CELF2: variants seen among roughly 807,000 people sequenced by gnomAD.
The protein encoded by CELF2 is CUGBP Elav-like family member 2, also known as CUG triplet repeat RNA-binding protein 2.
In CELF2, 8 loss-of-function variants were observed where a neutral mutation model predicts 62.6. That is an observed-to-expected ratio of 0.13 (90% CI 0.07 to 0.23). The LOEUF (loss-of-function observed/expected upper bound fraction) is 0.23, where lower values mean the gene tolerates loss of function less well. Among genes scored for constraint, CELF2 ranks in the 10% least tolerant of loss-of-function variants. The probability of loss-of-function intolerance (pLI) is 1.00; values close to 1 mark genes in which losing one functional copy is unlikely to be tolerated. For synonymous variants in CELF2, 258 were observed against 250.0 expected, an observed-to-expected ratio of 1.03 and a Z score of -0.30; for missense variants, 333 against 671.0, an observed-to-expected ratio of 0.50 and a Z score of 5.56.
Position 11,141,397 on chromosome 10 carries a change from G to C in CELF2, c.75-24089G>C, listed in dbSNP as rs537853944. ...CAGGAGCAGAGACTCGGAGGGGTAGGATGGGAAGAGTGAGGCTATAAAATA... is the reference window on the plus strand; with the variant it reads ...CAGGAGCAGAGACTCGGAGGGGTAGCATGGGAAGAGTGAGGCTATAAAATA... On this transcript the variant is annotated intron_variant, in intron 1 of 12. Coordinates refer to ENST00000633077, the MANE Select transcript of CELF2 (RefSeq NM_001326342.2). 2.6e-5 allele frequency among the ~76,000 whole-genome samples: 4 copies of C among 152,356 alleles called. No homozygotes were observed. In the East Asian group the frequency reaches 7.7e-4, roughly 29 times the overall value.
At chr10:10,618,026 A>G in the CELF2 span, among the ~76,000 whole-genome samples, 1 of 151,944 alleles carries the variant, frequency 6.6e-6, no homozygotes, top group Non-Finnish European at 1.5e-5. Context: ...TATCAGCTTA[A>G]TACTTCTTGA....
rs2095917988 is a variant in CELF2, at chr10:11,329,248, T to C, written c.*195T>C. On this transcript the variant is annotated 3_prime_UTR_variant, in exon 13 of 13. Coordinates refer to ENST00000633077, the MANE Select transcript of CELF2 (RefSeq NM_001326342.2). This position sits in a 1 kb window ranked among gnomAD's most constrained non-coding sequence, Gnocchi z 5.5. ...AGTTTGCCATAATTAAAACTTGGGCTACTTTGTTTCTATTGAGTAATTCCT... is the reference window on the plus strand; with the variant it reads ...AGTTTGCCATAATTAAAACTTGGGCCACTTTGTTTCTATTGAGTAATTCCT... 2 of 425,504 alleles carry C rather than the reference T, an allele frequency of 4.7e-6. No homozygotes were observed. The highest frequency in any genetic ancestry group is 4.0e-6 in the Non-Finnish European group (1 of 247,334). 26.4% of individuals were successfully genotyped at this position (425,504 alleles called of 1,614,324 possible). A position where few individuals can be genotyped will look rare whatever the true frequency, so the allele number is the denominator to read the frequency against.
intron 1 of CELF2, among the ~76,000 whole-genome samples, chr10:11,074,098 G>A (rs188978007): frequency 3.3e-5 from 5 of 152,194 alleles, no homozygotes; most frequent in East Asian, 3.9e-4. Context: ...AAGTATATAC[G>A]AGTATGTGTG....
intron 3 of CELF2, among the ~76,000 whole-genome samples, chr10:11,228,568 C>G (rs1453804281): frequency 1.3e-5 from 2 of 152,110 alleles, no homozygotes; most frequent in African/African-American, 4.8e-5. Context: ...GTCTTCCTTA[C>G]ATTGCTAATA....
chr10:10,875,689 T>G (rs1379447038), intron 1 of CELF2, among the ~76,000 whole-genome samples: 2 of 151,346 alleles, frequency 1.3e-5, no homozygotes, highest in Admixed American at 1.3e-4. Context: ...CATCTAATCC[T>G]AGAAAAGAAT....
At chr10:11,137,378 G>A (rs1221703761) in intron 1 of CELF2, among the ~76,000 whole-genome samples, 1 of 152,234 alleles carries the variant, frequency 6.6e-6, no homozygotes, top group Non-Finnish European at 1.5e-5. Context: ...TTGGGAGTTG[G>A]ATGCATATAA....
rs754375908 is a variant in CELF2, at chr10:11,319,844, G to A, written c.1097-1345G>A. 1 of 470,956 alleles carries A rather than the reference G, an allele frequency of 2.1e-6. No homozygotes were observed. The highest frequency in any genetic ancestry group is 4.4e-6 in the Non-Finnish European group (1 of 227,038). The allele number at this position is 470,956 out of a possible 1,614,324, so 29.2% of individuals were successfully genotyped here. On this transcript the variant is annotated intron_variant, in intron 10 of 12. Transcript: ENST00000633077. This position sits in a 1 kb window ranked among gnomAD's most constrained non-coding sequence, Gnocchi z 4.4. ...AAGTTGGCCAAATAGAAGCACAAGTGGAGTAAACAGAACATTCCCCACCTG... is the reference window on the plus strand; with the variant it reads ...AAGTTGGCCAAATAGAAGCACAAGTAGAGTAAACAGAACATTCCCCACCTG...
intron 7 of CELF2, among the ~76,000 whole-genome samples, chr10:11,273,727 TTTTG>T (rs2084808905): frequency 2.8e-5 from 4 of 145,070 alleles, no homozygotes; most frequent in South Asian, 2.1e-4. Context: ...TTTTTTGTTT[TTTTG>T]TTTTTTTTGA....
chr10:10,916,680 G>T (rs1375467087), intron 1 of CELF2, among the ~76,000 whole-genome samples: 1 of 152,116 alleles, frequency 6.6e-6, no homozygotes, highest in Non-Finnish European at 1.5e-5. Context: ...TGGCGTGATC[G>T]CTGCTCACTG....
intron 1 of CELF2, among the ~76,000 whole-genome samples, chr10:11,127,712 A>G (rs1360622560): frequency 6.6e-6 from 1 of 152,038 alleles, no homozygotes; most frequent in African/African-American, 2.4e-5. Flanking sequence ...TTGTCTGTTC[A>G]TATCCTTTGC....
intron 2 of CELF2, among the ~76,000 whole-genome samples, chr10:10,932,865 G>A (rs985410645): frequency 1.3e-5 from 2 of 152,188 alleles, no homozygotes; most frequent in African/African-American, 4.8e-5. Flanking sequence ...GGAATGTAGA[G>A]TGTCTGGAGA....
chr10:11,129,887 A>T (rs1205897344), intron 1 of CELF2, among the ~76,000 whole-genome samples: 2 of 151,904 alleles, frequency 1.3e-5, no homozygotes, highest in African/African-American at 4.8e-5. Flanking sequence ...TTCTGCTCTG[A>T]TCTTAGTTAT....
chr10:10,741,835 T>C, the CELF2 span, among the ~76,000 whole-genome samples: 1 of 152,198 alleles, frequency 6.6e-6, no homozygotes, highest in Non-Finnish European at 1.5e-5. Context: ...CGATTCCTCC[T>C]CACAATTTTG....
the CELF2 span, among the ~76,000 whole-genome samples, chr10:10,586,034 C>G: frequency 6.6e-6 from 1 of 152,148 alleles, no homozygotes; most frequent in Non-Finnish European, 1.5e-5. Context: ...ATAATTAGCT[C>G]TATAAATTTT....
At chr10:10,822,641 A>T (rs2057058429) in intron 1 of CELF2, among the ~76,000 whole-genome samples, 1 of 152,192 alleles carries the variant, frequency 6.6e-6, no homozygotes, top group South Asian at 2.1e-4. Context: ...TGTGCTTTTA[A>T]TATATAGACC....
chr10:10,679,916 T>C, the CELF2 span, among the ~76,000 whole-genome samples: 42 of 152,356 alleles, frequency 2.8e-4, no homozygotes, highest in Non-Finnish European at 5.6e-4. Flanking sequence ...TGTGTGAATG[T>C]GTGTGAATAT....
chr10:10,490,622 T>C, the CELF2 span, among the ~76,000 whole-genome samples: 1 of 152,034 alleles, frequency 6.6e-6, no homozygotes, highest in Non-Finnish European at 1.5e-5. Context: ...CAGATATTAA[T>C]GTAAACACAG....
the CELF2 span, among the ~76,000 whole-genome samples, chr10:10,664,594 C>T: frequency 2.6e-5 from 4 of 152,168 alleles, no homozygotes; most frequent in East Asian, 3.8e-4. Flanking sequence ...TCAACAACTA[C>T]GGTGGGCTAG....
intron 1 of CELF2, among the ~76,000 whole-genome samples, chr10:11,079,466 G>A (rs1355837799): frequency 6.6e-6 from 1 of 152,194 alleles, no homozygotes; most frequent in Non-Finnish European, 1.5e-5. Flanking sequence ...GGTGGGACTA[G>A]GTGAAGACGA....
Sources: allele counts gnomAD v4.1 joint callset (sites outside exome capture counted in the v4.1 genomes callset), GRCh38; gene constraint gnomAD v4.1.1; non-coding constraint Gnocchi (gnomAD v3.1); transcripts MANE v1.5; gene names NCBI Gene and HGNC (gene_info 2026-07-23, HGNC 2026-07-21).